The following HEMK2 variants were observed in gnomAD, a reference collection of about 807,000 sequenced individuals.
HEMK2 encodes methyltransferase HEMK2.
the HEMK2 span, among the ~76,000 whole-genome samples, chr21:28,757,037 T>G: frequency 6.6e-6 from 1 of 152,362 alleles, no homozygotes; most frequent in East Asian, 1.9e-4. Flanking sequence ...TGCTTTGAAC[T>G]CTACTACACA....
chr21:28,758,119 C>G, the HEMK2 span, among the ~76,000 whole-genome samples: 51 of 152,174 alleles, frequency 3.4e-4, no homozygotes, highest in African/African-American at 1.2e-3. Flanking sequence ...AAGTAAGATT[C>G]TAAGAAGAAG....
chr21:28,855,861 A>G, the HEMK2 span, among the ~76,000 whole-genome samples: 1 of 152,212 alleles, frequency 6.6e-6, no homozygotes, highest in Non-Finnish European at 1.5e-5. Context: ...GACACAGCTA[A>G]AGCAGTGTTA....
At chr21:28,830,616 G>A in the HEMK2 span, among the ~76,000 whole-genome samples, 48 of 152,270 alleles carry the variant, frequency 3.2e-4, no homozygotes, top group African/African-American at 1.1e-3. Context: ...CGTGGCTCAC[G>A]CCTGTAATCC....
the HEMK2 span, among the ~76,000 whole-genome samples, chr21:28,668,490 C>T: frequency 6.6e-6 from 1 of 152,112 alleles, no homozygotes; most frequent in Middle Eastern, 3.4e-3. Flanking sequence ...AGGGAAGGAA[C>T]ACAAGAGAAA....
At chr21:28,729,838 G>A in the HEMK2 span, among the ~76,000 whole-genome samples, 1 of 152,148 alleles carries the variant, frequency 6.6e-6, no homozygotes, top group Non-Finnish European at 1.5e-5. Flanking sequence ...GGGTTGTCGA[G>A]TGATAAACAG....
the HEMK2 span, among the ~76,000 whole-genome samples, chr21:28,878,769 T>C: frequency 6.6e-6 from 1 of 151,732 alleles, no homozygotes; most frequent in Non-Finnish European, 1.5e-5. Context: ...GTAGCTTTTG[T>C]ACTTAACACA....
At chr21:28,863,105 C>T in the HEMK2 span, among the ~76,000 whole-genome samples, 1 of 151,798 alleles carries the variant, frequency 6.6e-6, no homozygotes, top group African/African-American at 2.4e-5. Context: ...AGGGTGTTGC[C>T]AAAGGAGATT....
At chr21:28,668,798 C>T in the HEMK2 span, among the ~76,000 whole-genome samples, 1 of 152,124 alleles carries the variant, frequency 6.6e-6, no homozygotes, top group East Asian at 1.9e-4. Flanking sequence ...TCAAAATCAC[C>T]TGGGGAAATT....
the HEMK2 span, among the ~76,000 whole-genome samples, chr21:28,820,391 C>A: frequency 0.082 from 12,447 of 152,126 alleles, 1,155 homozygotes; most frequent in African/African-American, 0.22. Flanking sequence ...TAACTGAACC[C>A]ATATTGCAAG....
chr21:28,691,016 C>G, the HEMK2 span, among the ~76,000 whole-genome samples: 1 of 152,134 alleles, frequency 6.6e-6, no homozygotes, highest in African/African-American at 2.4e-5. Context: ...AGATTGCATC[C>G]CTTTGTCAAG....
chr21:28,831,893 A>T, the HEMK2 span, among the ~76,000 whole-genome samples: 2 of 152,190 alleles, frequency 1.3e-5, no homozygotes, highest in Admixed American at 1.3e-4. Flanking sequence ...ACAAGACAGA[A>T]AACAAAAAAC....
At chr21:28,856,747 G>C in the HEMK2 span, among the ~76,000 whole-genome samples, 1 of 152,198 alleles carries the variant, frequency 6.6e-6, no homozygotes, top group Non-Finnish European at 1.5e-5. Context: ...GTGCAACCCT[G>C]CCAAGGAAAG....
chr21:28,587,362 T>C, the HEMK2 span, among the ~76,000 whole-genome samples: 1 of 152,312 alleles, frequency 6.6e-6, no homozygotes, highest in East Asian at 1.9e-4. Context: ...TTGTGATATA[T>C]TTATATGGTA....
chr21:28,619,014 T>G, the HEMK2 span, among the ~76,000 whole-genome samples: 6 of 152,072 alleles, frequency 3.9e-5, no homozygotes, highest in South Asian at 1.2e-3. Flanking sequence ...GTCACTAGCG[T>G]AGGCCTTAAC....
the HEMK2 span, among the ~76,000 whole-genome samples, chr21:28,805,838 T>C: frequency 1.3e-5 from 2 of 152,234 alleles, no homozygotes; most frequent in African/African-American, 2.4e-5. Context: ...TTATAGGTGC[T>C]ACATGTTTTA....
chr21:28,706,786 CA>C, the HEMK2 span, among the ~76,000 whole-genome samples: 84,543 of 151,976 alleles, frequency 0.56, 26,181 homozygotes, highest in East Asian at 0.84. Context: ...CTCTGAACCA[CA>C]AAAAAACTGA....
the HEMK2 span, among the ~76,000 whole-genome samples, chr21:28,814,709 A>G: frequency 1.7e-4 from 26 of 152,306 alleles, no homozygotes; most frequent in African/African-American, 6.3e-4. Context: ...TAGAATGGCT[A>G]TCATTAAAAA....
chr21:28,804,416 G>A, the HEMK2 span, among the ~76,000 whole-genome samples: 5 of 152,034 alleles, frequency 3.3e-5, no homozygotes, highest in Non-Finnish European at 5.9e-5. Context: ...AAAAATTCCA[G>A]CAATCAGTTT....
At chr21:28,594,772 C>A in the HEMK2 span, among the ~76,000 whole-genome samples, 3 of 152,186 alleles carry the variant, frequency 2.0e-5, no homozygotes, top group African/African-American at 7.2e-5. Context: ...AATACTAAAC[C>A]TAAACTCTCA....
Sources: gnomAD v4.1 joint callset for allele counts (sites outside exome capture counted in the v4.1 genomes callset) on GRCh38, gnomAD v4.1.1 for gene constraint, MANE v1.5 for transcripts, NCBI Gene and HGNC (gene_info 2026-07-23, HGNC 2026-07-21) for gene names.